PDE11A: variants seen among roughly 807,000 people sequenced by gnomAD.
PDE11A encodes the protein dual 3',5'-cyclic-AMP and -GMP phosphodiesterase 11A.
A neutral mutation model predicts 100.5 loss-of-function variants in PDE11A; 100 were observed. The observed-to-expected ratio is 1.00, with a 90% CI of 0.85 to 1.18. The LOEUF (loss-of-function observed/expected upper bound fraction) is 1.18, where lower values mean the gene tolerates loss of function less well. Ranked by LOEUF, PDE11A falls within the 50% of genes most tolerant of loss-of-function variation. The pLI is 0.00. For missense variants in PDE11A, 1,141 were observed against 1,152.6 expected, an observed-to-expected ratio of 0.99 and a Z score of 0.15; for synonymous variants, 381 against 420.8, an observed-to-expected ratio of 0.91 and a Z score of 1.16.
intron 4 of PDE11A, among the ~76,000 whole-genome samples, chr2:177,892,298 GT>G (rs145291391): frequency 6.6e-6 from 1 of 151,696 alleles, no homozygotes; most frequent in Admixed American, 6.6e-5. Context: ...GCTTCTTACG[GT>G]TTTTTTCCAA....
chr2:177,731,500 A>T (rs1224366147), intron 10 of PDE11A, among the ~76,000 whole-genome samples: 1 of 152,074 alleles, frequency 6.6e-6, no homozygotes, highest in Non-Finnish European at 1.5e-5. Context: ...GAGTCTCAGC[A>T]TTGGTTTCCT....
chr2:177,886,406 AG>A (rs2084430097), intron 4 of PDE11A, among the ~76,000 whole-genome samples: 1 of 152,214 alleles, frequency 6.6e-6, no homozygotes, highest in Non-Finnish European at 1.5e-5. Context: ...GCATCCATTC[AG>A]TAAACTGAAC....
chr2:177,861,332 A>C (rs1008908515), intron 5 of PDE11A, among the ~76,000 whole-genome samples: 59 of 151,856 alleles, frequency 3.9e-4, no homozygotes, highest in African/African-American at 1.3e-3. Flanking sequence ...ATTTACAATA[A>C]TATCAAAAAG....
intron 1 of PDE11A, chr2:178,105,706 G>T: frequency 9.9e-7 from 1 of 1,008,876 alleles, no homozygotes; most frequent in Non-Finnish European, 1.4e-6. Flanking sequence ...GGAACCTGAT[G>T]GCATAGGTCT....
chr2:177,683,631 A>G (rs2080899414), intron 15 of PDE11A, among the ~76,000 whole-genome samples: 1 of 152,202 alleles, frequency 6.6e-6, no homozygotes, highest in Non-Finnish European at 1.5e-5. Flanking sequence ...GCCTGTTAAC[A>G]GGAACCTCTC....
intron 13 of PDE11A, among the ~76,000 whole-genome samples, chr2:177,703,959 G>A (rs16865684): frequency 0.017 from 2,605 of 152,202 alleles, 68 homozygotes; most frequent in African/African-American, 0.059. Flanking sequence ...CATCTTCCTC[G>A]TCAGATTCCC....
intron 6 of PDE11A, among the ~76,000 whole-genome samples, chr2:177,836,834 T>G (rs559247145): frequency 6.6e-6 from 1 of 152,256 alleles, no homozygotes; most frequent in East Asian, 1.9e-4. Flanking sequence ...CACGAAGGTC[T>G]GCAGCTTCAC....
At chr2:177,895,319 G>A (rs145960085) in intron 4 of PDE11A, among the ~76,000 whole-genome samples, 4,199 of 152,164 alleles carry the variant, frequency 0.028, 188 homozygotes, top group African/African-American at 0.096. Context: ...TTGGGAGGCC[G>A]AGGTGGGTGG....
chr2:177,697,943 T>C (rs1203811790), intron 14 of PDE11A, among the ~76,000 whole-genome samples: 1 of 152,184 alleles, frequency 6.6e-6, no homozygotes, highest in African/African-American at 2.4e-5. Context: ...TGGGGAACTT[T>C]AGCAAGGTCT....
intron 12 of PDE11A, among the ~76,000 whole-genome samples, chr2:177,717,313 A>G (rs1256391548): frequency 7.6e-6 from 1 of 131,484 alleles, no homozygotes; most frequent in South Asian, 2.4e-4. Context: ...CCCCGCCCTC[A>G]TCCATCTTCC....
At chr2:177,736,016 C>T (rs942523667) in intron 10 of PDE11A, among the ~76,000 whole-genome samples, 6 of 152,236 alleles carry the variant, frequency 3.9e-5, no homozygotes, top group Non-Finnish European at 5.9e-5. Context: ...CTTTGCTGCA[C>T]TCAACAGCGA....
intron 2 of PDE11A, among the ~76,000 whole-genome samples, chr2:177,906,582 G>T (rs1220143814): frequency 1.3e-5 from 2 of 152,112 alleles, no homozygotes; most frequent in African/African-American, 4.8e-5. Context: ...AATGGGATCC[G>T]AATTAAGAAG....
chr2:177,772,248 A>G (rs996487122), intron 9 of PDE11A, among the ~76,000 whole-genome samples: 1 of 152,092 alleles, frequency 6.6e-6, no homozygotes, highest in African/African-American at 2.4e-5. Context: ...AAAAATAAAG[A>G]TATATTCTAC....
At chr2:177,703,410 T>A (rs1032166901) in intron 13 of PDE11A, among the ~76,000 whole-genome samples, 1 of 152,160 alleles carries the variant, frequency 6.6e-6, no homozygotes, top group African/African-American at 2.4e-5. Flanking sequence ...TGAATCCAAG[T>A]TTTTAAGCTT....
intron 2 of PDE11A, among the ~76,000 whole-genome samples, chr2:177,915,579 T>C (rs1271824648): frequency 6.6e-6 from 1 of 152,240 alleles, no homozygotes; most frequent in Non-Finnish European, 1.5e-5. Context: ...TACCCATGTT[T>C]GTTTATCCAT....
chr2:177,984,493 T>C (rs1043461072), intron 2 of PDE11A, among the ~76,000 whole-genome samples: 2 of 152,210 alleles, frequency 1.3e-5, no homozygotes, highest in Admixed American at 6.5e-5. Context: ...GTATTCTTTA[T>C]GTTTTTATTC....
At chr2:178,073,930 T>A (rs947435990), upstream of PDE11A, among the ~76,000 whole-genome samples, 4 of 152,006 alleles carry the variant, frequency 2.6e-5, no homozygotes, top group Non-Finnish European at 4.4e-5. Context: ...TTTAATGGAC[T>A]GCTAATTGTT....
chr2:177,726,588 T>C (rs1193031961), intron 12 of PDE11A, among the ~76,000 whole-genome samples: 1 of 151,734 alleles, frequency 6.6e-6, no homozygotes, highest in Non-Finnish European at 1.5e-5. Context: ...GGGAAGACTT[T>C]GTAGAAAAAC....
chr2:177,631,512 A>T lies in PDE11A; in HGVS notation c.2647-1950T>A, dbSNP rs868503092. Among the ~76,000 whole-genome samples, 25 of 10,770 alleles carry T rather than the reference A, an allele frequency of 2.3e-3. 2 individuals are homozygous for T. Among genetic ancestry groups the T allele is most frequent in the African/African-American group, 6.4e-3 (22 of 3,450 alleles). The allele number at this position is 10,770 out of a possible 152,430, so 7.1% of individuals were successfully genotyped here. On this transcript the variant is annotated intron_variant, in intron 19 of 19. Coordinates refer to ENST00000286063, the MANE Select transcript of PDE11A (RefSeq NM_016953.4). Reference sequence around the variant, plus strand: ...AAAAAAAAAAAAAAAAAAAAAAAAAAATATATATATATATATATATATATA... The same window carrying T: ...AAAAAAAAAAAAAAAAAAAAAAAAATATATATATATATATATATATATATA...
Sources: allele counts gnomAD v4.1 joint callset (sites outside exome capture counted in the v4.1 genomes callset), GRCh38; gene constraint gnomAD v4.1.1; transcripts MANE v1.5; gene names NCBI Gene and HGNC (gene_info 2026-07-23, HGNC 2026-07-21).